RHAG: variants seen among roughly 807,000 people sequenced by gnomAD.
RHAG encodes Rh associated glycoprotein, also known as ammonium transporter Rh type A.
In RHAG, 25 loss-of-function variants were observed where a neutral mutation model predicts 42.4. That is an observed-to-expected ratio of 0.59 (90% CI 0.43 to 0.82). The LOEUF (loss-of-function observed/expected upper bound fraction) is 0.82, where lower values mean the gene tolerates loss of function less well. Ranked by LOEUF, RHAG falls within the 40% of genes least tolerant of loss-of-function variation. The probability of loss-of-function intolerance (pLI) is 0.00; values close to 1 mark genes in which losing one functional copy is unlikely to be tolerated. For synonymous variants in RHAG, 182 were observed against 177.7 expected, an observed-to-expected ratio of 1.02 and a Z score of -0.19; for missense variants, 483 against 504.6, an observed-to-expected ratio of 0.96 and a Z score of 0.41.
At position 49,619,296 on chromosome 6, in the gene RHAG, T is replaced by C; in HGVS notation, c.224A>G (p.Tyr75Cys). The change falls in exon 2 of 10, where the codon TAT becomes TGT. Residue 75 changes from tyrosine (Y) to cysteine (C), a missense_variant. Transcript: ENST00000371175. ...FGFLMTFLKK[Y>C]GFSSVGINLL... ...GTTGATACCCACACTGCTGAAGCCA[T>C]ATTTCTTCAGGAAGGTCATGAGGAA... The C allele has an allele frequency of 6.2e-7, 1 of 1,614,130 alleles. No homozygotes were observed.
rs928441913 is a variant in RHAG at position 49,606,032 on chromosome 6, C to G, written c.1213-202G>C. Among the ~76,000 whole-genome samples, 3 of 152,262 alleles carry G rather than the reference C, an allele frequency of 2.0e-5. No homozygotes were observed. In the South Asian group the frequency reaches 6.2e-4, roughly 32 times the overall value. ...GACTACATTCCCGCTTTTCCAAACT[C>G]ATTCTCTCTGAAATTTTGCTGAAAA... is the stretch of plus-strand genomic sequence containing the variant. On this transcript the variant is annotated intron_variant, in intron 9 of 9. Coordinates refer to ENST00000371175, the MANE Select transcript of RHAG (RefSeq NM_000324.3).
intron 3 of RHAG, among the ~76,000 whole-genome samples, chr6:49,616,844 T>G (rs565459432): frequency 3.9e-5 from 6 of 152,264 alleles, no homozygotes; most frequent in African/African-American, 1.4e-4. Context: ...CCAGCAACAC[T>G]TAGTCCCTTC....
At chr6:49,610,801 T>G (rs1762559003) in intron 7 of RHAG, among the ~76,000 whole-genome samples, 2 of 152,224 alleles carry the variant, frequency 1.3e-5, no homozygotes, top group South Asian at 4.1e-4. Context: ...GTAAAGACAT[T>G]TAAAATAACA....
intron 9 of RHAG, 51 bp from the exon 10 acceptor site, chr6:49,605,881 G>A: frequency 6.9e-7 from 1 of 1,456,424 alleles, no homozygotes; most frequent in Non-Finnish European, 9.6e-7. Context: ...CACTGTTCTT[G>A]TCAGAAATTA....
chr6:49,629,816 C>T (rs892569090), intron 1 of RHAG, among the ~76,000 whole-genome samples: 2 of 151,802 alleles, frequency 1.3e-5, no homozygotes, highest in African/African-American at 2.4e-5. Context: ...TTGCCCGGGG[C>T]CGGCAGGGCC....
At position 49,636,747 on chromosome 6, in the gene RHAG, T is replaced by C. The variant is rs545083699; in HGVS notation, c.66A>G (p.Leu22=). ...TCTGGTCCGTTTCATACTCAACAAA[T>C]AATCCAAATAAAACAATCATGGCAA... ...LEIAMIVLFG[L]FVEYETDQTV... Residue 22 remains leucine, a synonymous_variant, in exon 1 of 10, where the codon TTA becomes TTG. Transcript: ENST00000371175. The C allele has an allele frequency of 6.2e-7, 1 of 1,613,940 alleles. No individual in the cohort carries two copies. The highest frequency in any genetic ancestry group is 1.1e-5 in the South Asian group (1 of 91,074).
intron 1 of RHAG, among the ~76,000 whole-genome samples, chr6:49,627,443 C>G (rs188063219): frequency 6.6e-6 from 1 of 152,150 alleles, no homozygotes; most frequent in South Asian, 2.1e-4. Flanking sequence ...AGCCATTTAA[C>G]AAGTCTCAAG....
intron 1 of RHAG, among the ~76,000 whole-genome samples, chr6:49,625,277 A>G (rs753317600): frequency 6.6e-6 from 1 of 152,236 alleles, no homozygotes; most frequent in Non-Finnish European, 1.5e-5. Context: ...AGTGGTTAAA[A>G]CACAGGTTTT....
intron 6 of RHAG, among the ~76,000 whole-genome samples, chr6:49,611,581 A>T (rs1397090520): frequency 6.6e-6 from 1 of 152,180 alleles, no homozygotes; most frequent in African/African-American, 2.4e-5. Context: ...TTTTACGTAG[A>T]GCACAGTTCT....
chr6:49,608,929 C>A (rs1189166730), intron 7 of RHAG, among the ~76,000 whole-genome samples: 2 of 152,002 alleles, frequency 1.3e-5, no homozygotes, highest in Admixed American at 1.3e-4. Flanking sequence ...TTGCCAAGAT[C>A]TTTTACAAGG....
rs905665579 is a variant in RHAG, at chr6:49,620,872, G to A, written c.158-1510C>T. 2.0e-5 allele frequency among the ~76,000 whole-genome samples: 3 copies of A among 152,158 alleles called. No individual in the cohort carries two copies. The South Asian group carries it at 6.2e-4, about 32-fold the overall frequency. ...ATTAAACATCACCATTGTGGCCAGAGGTTTAAGTGGAAATAGGTATGAGGG... is the reference window on the plus strand; with the variant it reads ...ATTAAACATCACCATTGTGGCCAGAAGTTTAAGTGGAAATAGGTATGAGGG... On this transcript the variant is annotated intron_variant, in intron 1 of 9. Transcript: ENST00000371175.
intron 5 of RHAG, among the ~76,000 whole-genome samples, chr6:49,613,734 T>C (rs1250919679): frequency 6.6e-6 from 1 of 152,210 alleles, no homozygotes; most frequent in East Asian, 1.9e-4. Flanking sequence ...TATTTTGAAC[T>C]AATTGCAGAC....
chr6:49,605,617 A>G lies in RHAG; in HGVS notation c.*196T>C, dbSNP rs1006033287. On this transcript the variant is annotated 3_prime_UTR_variant, in exon 10 of 10. Transcript: ENST00000371175. ...TGAAGAGCAAGAGACAGCATCAGAC[A>G]TAAGGACATTTTTACACTGGCCATT... is the stretch of plus-strand genomic sequence containing the variant. 15 of 686,592 alleles carry G rather than the reference A, an allele frequency of 2.2e-5. No individual in the cohort carries two copies. The highest frequency in any genetic ancestry group is 1.1e-4 in the African/African-American group (6 of 56,526). The allele number at this position is 686,592 out of a possible 1,614,324, so 42.5% of individuals were successfully genotyped here.
intron 1 of RHAG, 107 bp from the exon 2 acceptor site, chr6:49,619,469 T>A: frequency 1.9e-6 from 2 of 1,041,648 alleles, no homozygotes; most frequent in Non-Finnish European, 2.9e-6. Flanking sequence ...TATAACACAC[T>A]AGGAAAAGAG....
chr6:49,628,643 C>T (rs1297497133), intron 1 of RHAG, among the ~76,000 whole-genome samples: 1 of 150,592 alleles, frequency 6.6e-6, no homozygotes, highest in East Asian at 2.0e-4. Context: ...TAAGGTGGCG[C>T]GTCTGGAGTT....
intron 2 of RHAG, among the ~76,000 whole-genome samples, chr6:49,618,830 C>A (rs1762700680): frequency 1.3e-5 from 2 of 152,124 alleles, no homozygotes; most frequent in African/African-American, 2.4e-5. Flanking sequence ...ACTGCTATAA[C>A]AAAATACCAT....
At chr6:49,617,986 CAT>C in intron 3 of RHAG, 80 bp downstream of exon 3, 1 of 1,261,838 alleles carries the variant, frequency 7.9e-7, no homozygotes, top group East Asian at 2.4e-5. Flanking sequence ...GATTTGCTCC[CAT>C]ATACCGTAGA....
rs147244701 is a variant in RHAG at position 49,606,885 on chromosome 6, G to T, written c.1175C>A (p.Ser392Tyr). 7.4e-6 allele frequency: 12 copies of T among 1,612,140 alleles called. No homozygotes were observed. In the African/African-American group the frequency reaches 1.3e-4, roughly 18 times the overall value. ...AGAATCATCATAGCAGTTCTGGTCA[G>T]ATGGCTGTCCCCAGAGAGGCAACTT... Reference protein sequence around the residue: ...ILKLPLWGQPSDQNCYDDSVY... With the variant: ...ILKLPLWGQPYDQNCYDDSVY... Residue 392 changes from serine to tyrosine, a missense_variant, in exon 9 of 10, where the codon TCT becomes TAT. Physicochemically the swap from Ser to Tyr is moderately radical, Grantham distance 144. Coordinates refer to ENST00000371175, the MANE Select transcript of RHAG (RefSeq NM_000324.3).
intron 1 of RHAG, among the ~76,000 whole-genome samples, chr6:49,622,800 A>AC (rs1762783088): frequency 7.5e-6 from 1 of 133,854 alleles, no homozygotes; most frequent in Non-Finnish European, 1.6e-5. Flanking sequence ...TGCAGATTTC[A>AC]CCCCCCTTCC....
Sources: allele counts gnomAD v4.1 joint callset (sites outside exome capture counted in the v4.1 genomes callset), GRCh38; gene constraint gnomAD v4.1.1; transcripts MANE v1.5; gene names NCBI Gene and HGNC (gene_info 2026-07-23, HGNC 2026-07-21).